Variants in CAMK1 observed in about 807,000 individuals in gnomAD.
CAMK1 encodes calcium/calmodulin dependent protein kinase I.
A neutral mutation model predicts 49.1 loss-of-function variants in CAMK1; 39 were observed. That is an observed-to-expected ratio of 0.79 (90% CI 0.62 to 1.04). The LOEUF is 1.04. CAMK1 is among the 50% of genes least tolerant of loss of function. CAMK1 has a pLI of 0.00. For synonymous variants in CAMK1, 192 were observed against 185.2 expected (o/e 1.04, Z -0.30); for missense variants, 457 against 472.2 (o/e 0.97, Z 0.30).
chr3:9,759,011 C>T (rs1575220308), intron 10 of CAMK1: 1 of 659,982 alleles, frequency 1.5e-6, no homozygotes, highest in Admixed American at 2.2e-5. Flanking sequence ...AGTTGGTGCT[C>T]CTCTGTGGCA....
chr3:9,760,791 T>G (rs376144816), intron 7 of CAMK1, 23 bp from the exon 8 acceptor site: 105 of 1,613,536 alleles, frequency 6.5e-5, no homozygotes, highest in Non-Finnish European at 8.4e-5. Flanking sequence ...AAACTCATCC[T>G]CATTTCCACT....
intron 10 of CAMK1, 28 bp downstream of exon 10, chr3:9,759,460 G>A (rs796304481): frequency 1.2e-6 from 2 of 1,614,064 alleles, no homozygotes; most frequent in African/African-American, 2.7e-5. Flanking sequence ...TGGGGAGGCT[G>A]GGACCAGAAC....
chr3:9,761,314 A>C (rs2077857628), intron 7 of CAMK1, 147 bp downstream of exon 7: 2 of 780,538 alleles, frequency 2.6e-6, no homozygotes, highest in Admixed American at 5.8e-5. Context: ...GTATCTATTG[A>C]ATGAAGTAAT....
chr3:9,765,769 C>T lies in CAMK1; in HGVS notation c.205G>A (p.Val69Ile). 1.2e-6 allele frequency: 2 copies of T among 1,614,022 alleles called. No homozygotes were observed. Among genetic ancestry groups the T allele is most frequent in the Non-Finnish European group, 1.7e-6 (2 of 1,179,988 alleles). Residue 69 changes from valine (V) to isoleucine (I), a missense_variant, in exon 3 of 12, where the codon GTC becomes ATC. By Grantham distance (29) the Val-to-Ile change is conservative. Transcript: ENST00000256460. ...CTGTGGCCCACGCACTTGTGCAGGACAGCAATCTCATTCTCCATGCTGCCT... is the reference window on the plus strand; with the variant it reads ...CTGTGGCCCACGCACTTGTGCAGGATAGCAATCTCATTCTCCATGCTGCCT... Reference protein sequence around the residue: ...KEGSMENEIAVLHKIKHPNIV... With the variant: ...KEGSMENEIAILHKIKHPNIV...
At chr3:9,767,846 G>A in intron 1 of CAMK1, 65 bp from the exon 2 acceptor site, 1 of 1,541,030 alleles carries the variant, frequency 6.5e-7, no homozygotes, top group South Asian at 1.2e-5. Context: ...ATTTACTGCA[G>A]GCCCCATTCA....
At chr3:9,759,384 A>G in intron 10 of CAMK1, 104 bp downstream of exon 10, 1 of 1,564,022 alleles carries the variant, frequency 6.4e-7, no homozygotes, top group Non-Finnish European at 8.8e-7. Context: ...CTAAGCAGTT[A>G]CTGTGTGCCC....
intron 8 of CAMK1, 101 bp from the exon 9 acceptor site, chr3:9,759,851 C>A (rs780748957): frequency 1.2e-6 from 2 of 1,600,948 alleles, no homozygotes; most frequent in East Asian, 2.2e-5. Flanking sequence ...GGCATCAAGA[C>A]AAAGAGGCCA....
At chr3:9,759,651 A>C (rs916163430) in intron 9 of CAMK1, 21 bp downstream of exon 9, 1 of 1,614,044 alleles carries the variant, frequency 6.2e-7, no homozygotes, top group African/African-American at 1.3e-5. Context: ...GCCCCAGCTC[A>C]CAGGTTGTGT....
At position 9,763,028 on chromosome 3, in the gene CAMK1, G is replaced by T; in HGVS notation, c.315C>A (p.Asp105Glu). ...MQLVSGGELF[D>E]RIVEKGFYTE... ...TGTAGAAGCCTTTTTCCACAATACG[G>T]TCAAAGAGCTCCCCACCCGACACCC... The change falls in exon 5 of 12, where the codon GAC becomes GAA. Residue 105 changes from aspartate to glutamate, a missense_variant. Asp to Glu is a conservative substitution (Grantham distance 45, BLOSUM62 2). Transcript: ENST00000256460. 1 of 1,614,094 alleles carries T rather than the reference G, an allele frequency of 6.2e-7. No individual in the cohort carries two copies. The highest frequency in any genetic ancestry group is 8.5e-7 in the Non-Finnish European group (1 of 1,180,006).
Position 9,762,707 on chromosome 3 carries a change from G to C in CAMK1, c.429+207C>G, listed in dbSNP as rs2077942582. ...ATCAGAAAAAGACAAAATGTTGTTTGGATAAAATGCCACACAATTCACTCG... is the reference window on the plus strand; with the variant it reads ...ATCAGAAAAAGACAAAATGTTGTTTCGATAAAATGCCACACAATTCACTCG... On this transcript the variant is annotated intron_variant, in intron 5 of 11. Transcript: ENST00000256460. Among the ~76,000 whole-genome samples, 3 of 152,082 alleles carry C rather than the reference G, an allele frequency of 2.0e-5. 1 individual carries two copies. In the South Asian group the frequency reaches 6.2e-4, roughly 32 times the overall value.
intron 8 of CAMK1, 163 bp downstream of exon 8, chr3:9,760,493 C>T (rs2077803298): frequency 3.2e-6 from 2 of 629,562 alleles, no homozygotes. Flanking sequence ...AAGGAAGTAC[C>T]CAAGCAGAAG....
intron 3 of CAMK1, among the ~76,000 whole-genome samples, chr3:9,763,935 G>A (rs979116596): frequency 2.6e-5 from 4 of 151,946 alleles, no homozygotes; most frequent in African/African-American, 7.3e-5. Flanking sequence ...GCAGTGAGTC[G>A]AGATCATGCC....
chr3:9,765,226 C>CAA (rs71049801), intron 3 of CAMK1, among the ~76,000 whole-genome samples: 7 of 116,508 alleles, frequency 6.0e-5, no homozygotes, highest in Admixed American at 8.9e-5. Flanking sequence ...GACTCCATCT[C>CAA]AAAAAAAAAA....
At chr3:9,764,686 T>C (rs2078068583) in intron 3 of CAMK1, among the ~76,000 whole-genome samples, 1 of 141,084 alleles carries the variant, frequency 7.1e-6, no homozygotes, top group African/African-American at 2.7e-5. Flanking sequence ...TGGAGTGTAA[T>C]GCACGGTGTG....
chr3:9,768,474 A>T (rs1273366038), intron 1 of CAMK1, among the ~76,000 whole-genome samples: 2 of 152,134 alleles, frequency 1.3e-5, no homozygotes, highest in Non-Finnish European at 2.9e-5. Context: ...GGTCTGTCTC[A>T]TCCAGCAGGA....
chr3:9,766,158 G>A, intron 2 of CAMK1: 1 of 962,694 alleles, frequency 1.0e-6, no homozygotes. Context: ...TGTTGAGCTG[G>A]TAGGATGTAA....
chr3:9,758,562 G>C (rs534113846), intron 10 of CAMK1: 1 of 156,100 alleles, frequency 6.4e-6, no homozygotes, highest in South Asian at 2.0e-4. Context: ...TCTCCTGCCT[G>C]TATCTCTGCC....
At chr3:9,764,144 C>A (rs1187460191) in intron 3 of CAMK1, among the ~76,000 whole-genome samples, 1 of 152,188 alleles carries the variant, frequency 6.6e-6, no homozygotes, top group Admixed American at 6.5e-5. Flanking sequence ...CCTCTCTGAA[C>A]CTCAGTTTCT....
At chr3:9,760,391 A>C (rs2077797241) in intron 8 of CAMK1, 5 of 391,606 alleles carry the variant, frequency 1.3e-5, no homozygotes, top group South Asian at 1.0e-4. Flanking sequence ...TTTAGACATT[A>C]GGGTGTCAAT....
Sources: gnomAD v4.1 joint callset for allele counts (sites outside exome capture counted in the v4.1 genomes callset) on GRCh38, gnomAD v4.1.1 for gene constraint, MANE v1.5 for transcripts, NCBI Gene and HGNC (gene_info 2026-07-23, HGNC 2026-07-21) for gene names.